Variants in FASTKD2 observed in about 807,000 individuals in gnomAD.
FASTKD2 encodes FAST kinase domain-containing protein 2, mitochondrial.
FASTKD2 carries 51 observed loss-of-function variants against 63.6 expected under a neutral mutation model. The ratio of observed to expected loss-of-function variants is 0.80; its 90% CI spans 0.64 to 1.01. The LOEUF is 1.01. FASTKD2 is among the 50% of genes least tolerant of loss of function. The probability of loss-of-function intolerance (pLI) is 0.00; values close to 1 mark genes in which losing one functional copy is unlikely to be tolerated. For missense variants in FASTKD2, 786 were observed against 831.1 expected, an observed-to-expected ratio of 0.95 and a Z score of 0.67; for synonymous variants, 284 against 293.4, an observed-to-expected ratio of 0.97 and a Z score of 0.33.
At chr2:206,780,524 G>A (rs529832598) in intron 7 of FASTKD2, among the ~76,000 whole-genome samples, 9 of 152,136 alleles carry the variant, frequency 5.9e-5, no homozygotes, top group Non-Finnish European at 8.8e-5. Context: ...TGGGAGATAC[G>A]AGTTGCTTTT....
intron 7 of FASTKD2, among the ~76,000 whole-genome samples, chr2:206,778,575 C>G (rs1431063989): frequency 6.6e-6 from 1 of 152,060 alleles, no homozygotes; most frequent in Non-Finnish European, 1.5e-5. Flanking sequence ...ATAGTCTGTT[C>G]TTGAGAATGA....
intron 4 of FASTKD2, among the ~76,000 whole-genome samples, chr2:206,771,653 C>CA (rs71034472): frequency 0.15 from 6,715 of 44,448 alleles, 931 homozygotes; most frequent in African/African-American, 0.19. Context: ...CCTGTCTCTG[C>CA]AAAAAAAAAA....
In FASTKD2 at chr2:206,795,684, T is replaced by C. The variant is rs1394948347; in HGVS notation, c.*3882T>C. ...TGTGACTTAGCTTCCTCTATGCAGA[T>C]GTACCTACTTGAAACTGGGAAGGCC... On this transcript the variant is annotated 3_prime_UTR_variant, in exon 12 of 12. Coordinates refer to ENST00000402774, the MANE Select transcript of FASTKD2 (RefSeq NM_001136193.2). 6.6e-6 allele frequency among the ~76,000 whole-genome samples: 1 copy of C among 152,204 alleles called. No homozygotes were observed. The highest frequency in any genetic ancestry group is 6.5e-5 in the Admixed American group (1 of 15,284).
At chr2:206,786,977 G>C (rs1300984362) in intron 8 of FASTKD2, 78 bp downstream of exon 8, 1 of 912,996 alleles carries the variant, frequency 1.1e-6, no homozygotes, top group African/African-American at 1.7e-5. Context: ...ACTCTGAATG[G>C]GGTCTTAGTT....
At chr2:206,774,432 C>T in intron 7 of FASTKD2, 35 bp downstream of exon 7, 1 of 1,337,954 alleles carries the variant, frequency 7.5e-7, no homozygotes, top group Non-Finnish European at 1.1e-6. Flanking sequence ...TTTTTATTGC[C>T]ATATAACTTA....
At chr2:206,781,087 T>G (rs1689958910) in intron 7 of FASTKD2, among the ~76,000 whole-genome samples, 1 of 152,186 alleles carries the variant, frequency 6.6e-6, no homozygotes, top group African/African-American at 2.4e-5. Context: ...TTCATAGATC[T>G]TCATCTCTTT....
intron 5 of FASTKD2, 56 bp from the exon 6 acceptor site, chr2:206,772,125 G>A (rs927802620): frequency 2.7e-5 from 43 of 1,588,670 alleles, no homozygotes; most frequent in Non-Finnish European, 3.7e-5. Context: ...AATAAAGCAT[G>A]TTGTATTCAA....
intron 7 of FASTKD2, among the ~76,000 whole-genome samples, chr2:206,780,740 A>G (rs4488642): frequency 0.41 from 62,938 of 151,904 alleles, 15,555 homozygotes; most frequent in East Asian, 0.76. Flanking sequence ...CCCATAATGC[A>G]CACATTGGTT....
chr2:206,766,981 C>T lies in FASTKD2; in HGVS notation c.288C>T (p.Ser96=), dbSNP rs775348698. The part of the protein sequence containing the change: ...SDVGFQTKGI[S]TLTALRIERL... ...TTGGCTTTCAAACAAAGGGCATAAG[C>T]ACTCTAACAGCCCTTAGAATTGAAA... Residue 96 remains serine (S), a synonymous_variant, in exon 2 of 12, where the codon AGC becomes AGT. Coordinates refer to ENST00000402774, the MANE Select transcript of FASTKD2 (RefSeq NM_001136193.2). 4.3e-6 allele frequency: 7 copies of T among 1,612,150 alleles called. No individual in the cohort carries two copies. The South Asian group carries it at 6.6e-5, about 15-fold the overall frequency.
At position 206,791,874 on chromosome 2, in the gene FASTKD2, C is replaced by A; in HGVS notation, c.*72C>A. On this transcript the variant is annotated 3_prime_UTR_variant, in exon 12 of 12. Transcript: ENST00000402774. ...TTAATAAAGATGACAAGTCAGTTGT[C>A]AATGGAATTGAGCTATCTGCTAAGA... 1 of 1,422,614 alleles carries A rather than the reference C, an allele frequency of 7.0e-7. No homozygotes were observed. Among genetic ancestry groups the A allele is most frequent in the South Asian group, 1.2e-5 (1 of 85,350 alleles). The allele number at this position is 1,422,614 out of a possible 1,614,324, so 88.1% of individuals were successfully genotyped here.
rs1360006572 is a variant in FASTKD2 at position 206,793,240 on chromosome 2, A to AC, written c.*1438_*1439insC. Among the ~76,000 whole-genome samples, 1 of 133,726 alleles carries AC rather than the reference A, an allele frequency of 7.5e-6. No individual in the cohort carries two copies. Among genetic ancestry groups the AC allele is most frequent in the African/African-American group, 2.6e-5 (1 of 37,900 alleles). 87.7% of individuals were successfully genotyped at this position (133,726 alleles called of 152,430 possible). A position where few individuals can be genotyped will look rare whatever the true frequency, so the allele number is the denominator to read the frequency against. On this transcript the variant is annotated 3_prime_UTR_variant, in exon 12 of 12. Transcript: ENST00000402774. ...TGTCTCAAAAAAAAAAAAAAAAAAA[A>AC]AAAAAAAAAAATACAAAAACTATAG...
chr2:206,785,768 A>G (rs151001114), intron 7 of FASTKD2, among the ~76,000 whole-genome samples: 1 of 152,276 alleles, frequency 6.6e-6, no homozygotes, highest in East Asian at 1.9e-4. Flanking sequence ...TCCTGGCCTT[A>G]TCACAGCCCT....
Position 206,790,854 on chromosome 2 carries a change from C to T in FASTKD2, c.2013+168C>T, listed in dbSNP as rs115621342. The T allele has an allele frequency of 3.4e-3, 2,098 of 621,900 alleles. 29 individuals are homozygous for T. The highest frequency in any genetic ancestry group is 0.032 in the African/African-American group (1,798 of 55,334). 38.5% of individuals were successfully genotyped at this position (621,900 alleles called of 1,614,324 possible). ...TTTGAAAAAGAACATTGCTAGTACA[C>T]GATTTGGGTTCTGCTCAGCTGATTA... On this transcript the variant is annotated intron_variant, in intron 11 of 11. Transcript: ENST00000402774.
At chr2:206,783,680 A>G (rs1447304023) in intron 7 of FASTKD2, among the ~76,000 whole-genome samples, 1 of 152,204 alleles carries the variant, frequency 6.6e-6, no homozygotes, top group East Asian at 1.9e-4. Context: ...TGTTACATTG[A>G]AAATAGAGGG....
chr2:206,774,824 A>C (rs557641764), intron 7 of FASTKD2, among the ~76,000 whole-genome samples: 2 of 152,168 alleles, frequency 1.3e-5, no homozygotes, highest in Admixed American at 6.5e-5. Flanking sequence ...TGATATAGTT[A>C]ACAATATTGT....
In FASTKD2 at chr2:206,773,171, C is replaced by T. The variant is rs143575286; in HGVS notation, c.1254+851C>T. Among the ~76,000 whole-genome samples, 1,401 of 151,962 alleles carry T rather than the reference C, an allele frequency of 9.2e-3. 16 individuals are homozygous for T. The highest frequency in any genetic ancestry group is 0.041 in the Middle Eastern group (12 of 294). ...CTCTACTAAAAATACAAAAAGTAGCCGGGCATGGTGACGTGTCCCTGTAAT... is the reference window on the plus strand; with the variant it reads ...CTCTACTAAAAATACAAAAAGTAGCTGGGCATGGTGACGTGTCCCTGTAAT... On this transcript the variant is annotated intron_variant, in intron 6 of 11. Transcript: ENST00000402774.
In FASTKD2 at chr2:206,766,835, CT is replaced by C. The variant is rs1215521889; in HGVS notation, c.145del (p.Cys49AlafsTer5). The C allele has an allele frequency of 6.2e-7, 1 of 1,610,014 alleles. No homozygotes were observed. The highest frequency in any genetic ancestry group is 1.3e-5 in the African/African-American group (1 of 74,718). On this transcript the variant is annotated frameshift_variant, in exon 2 of 12. Transcript: ENST00000402774. LOFTEE classifies it high-confidence loss of function. ...SRTMRLCCLG[L>X]CKPKIVHSNW... Reference sequence around the variant, plus strand: ...AACTATGAGGCTATGTTGTTTGGGACTTTGCAAACCAAAAATAGTTCATTCA... The same window carrying C: ...AACTATGAGGCTATGTTGTTTGGGACTTGCAAACCAAAAATAGTTCATTCA...
Position 206,771,935 on chromosome 2 carries a change from T to C in FASTKD2, c.1032T>C (p.Asn344=), listed in dbSNP as rs1237374089. 1 of 1,610,984 alleles carries C rather than the reference T, an allele frequency of 6.2e-7. No individual in the cohort carries two copies. Among genetic ancestry groups the C allele is most frequent in the South Asian group, 1.1e-5 (1 of 91,016 alleles). ...LRELDRFSVL[N]SQHMFEVLAA... ...AATTAGACAGATTTTCTGTTTTGAA[T>C]AGCCAACACATGTTTGAAGTACTAG... Residue 344 remains asparagine (N), a synonymous_variant, in exon 5 of 12, where the codon AAT becomes AAC. Transcript: ENST00000402774.
Position 206,796,146 on chromosome 2 carries a change from T to C in FASTKD2, c.*4344T>C, listed in dbSNP as rs534603054. On this transcript the variant is annotated 3_prime_UTR_variant, in exon 12 of 12. Transcript: ENST00000402774. ...AAAGATACTACAATATATGCACATA[T>C]ATATGTTATAGAATCAATAAAAATT... Among the ~76,000 whole-genome samples the C allele has an allele frequency of 6.6e-4, 100 of 152,346 alleles. No individual in the cohort carries two copies. The highest frequency in any genetic ancestry group is 2.2e-3 in the African/African-American group (91 of 41,578).
Sources: allele counts gnomAD v4.1 joint callset (sites outside exome capture counted in the v4.1 genomes callset), GRCh38; gene constraint gnomAD v4.1.1; transcripts MANE v1.5; gene names NCBI Gene and HGNC (gene_info 2026-07-23, HGNC 2026-07-21).